The following PGS1 variants were observed in gnomAD, a reference collection of about 807,000 sequenced individuals.
PGS1 encodes phosphatidylglycerophosphate synthase 1, also known as CDP-diacylglycerol--glycerol-3-phosphate 3-phosphatidyltransferase, mitochondrial.
In PGS1, 44 loss-of-function variants were observed where a neutral mutation model predicts 58.3. That is an observed-to-expected ratio of 0.75 (90% CI 0.59 to 0.97). The LOEUF (loss-of-function observed/expected upper bound fraction) is 0.97, where lower values mean the gene tolerates loss of function less well. Among genes scored for constraint, PGS1 ranks in the 50% least tolerant of loss-of-function variants. The pLI is 0.00. For synonymous variants in PGS1, 330 were observed against 311.0 expected, an observed-to-expected ratio of 1.06 and a Z score of -0.64; for missense variants, 684 against 731.1, an observed-to-expected ratio of 0.94 and a Z score of 0.74.
At chr17:78,408,983 C>T (rs2084395569) in intron 7 of PGS1, among the ~76,000 whole-genome samples, 1 of 152,238 alleles carries the variant, frequency 6.6e-6, no homozygotes, top group Non-Finnish European at 1.5e-5. Context: ...GCAGCCCGGC[C>T]TTGTCAGCCG....
intron 4 of PGS1, 166 bp from the exon 5 acceptor site, chr17:78,399,182 A>G: frequency 1.6e-6 from 1 of 613,316 alleles, no homozygotes; most frequent in South Asian, 1.9e-5. Context: ...AGCATGCAGG[A>G]CAGAGGTTGG....
intron 7 of PGS1, among the ~76,000 whole-genome samples, chr17:78,405,020 C>CA (rs1567979439): frequency 6.7e-6 from 1 of 148,166 alleles, no homozygotes; most frequent in Non-Finnish European, 1.5e-5. Flanking sequence ...TTTTTTGAGA[C>CA]AGAGTCTTGC....
At chr17:78,386,688 TG>T (rs1220202945) in intron 1 of PGS1, among the ~76,000 whole-genome samples, 1 of 152,174 alleles carries the variant, frequency 6.6e-6, no homozygotes, top group Non-Finnish European at 1.5e-5. Context: ...TAAGCCTCCC[TG>T]GGATGGGGGA....
intron 1 of PGS1, among the ~76,000 whole-genome samples, chr17:78,386,137 G>A (rs1343652582): frequency 6.6e-6 from 1 of 152,220 alleles, no homozygotes; most frequent in Non-Finnish European, 1.5e-5. Context: ...TTTCTCCTGA[G>A]TCAGGCTTCC....
intron 1 of PGS1, among the ~76,000 whole-genome samples, chr17:78,391,044 G>A (rs994598886): frequency 2.0e-5 from 3 of 151,896 alleles, no homozygotes; most frequent in Non-Finnish European, 4.4e-5. Context: ...AGGTTTAAGC[G>A]ATTCTCCTGC....
intron 7 of PGS1, among the ~76,000 whole-genome samples, chr17:78,407,042 CCT>C (rs1268530393): frequency 6.6e-6 from 1 of 152,232 alleles, no homozygotes; most frequent in Non-Finnish European, 1.5e-5. Flanking sequence ...TCTGCCACTC[CCT>C]CTCTCCTGCC....
intron 1 of PGS1, among the ~76,000 whole-genome samples, chr17:78,384,857 G>A (rs982985476): frequency 2.3e-4 from 35 of 152,240 alleles, no homozygotes; most frequent in African/African-American, 7.7e-4. Flanking sequence ...CTCTGACACC[G>A]GGAGAAGATG....
At chr17:78,420,835 G>C (rs2085663950) in intron 9 of PGS1, 1 of 152,098 alleles carries the variant, frequency 6.6e-6, no homozygotes, top group Non-Finnish European at 1.5e-5. Flanking sequence ...CTTCTGATGT[G>C]CACACGTGTC....
intron 7 of PGS1, among the ~76,000 whole-genome samples, chr17:78,412,174 C>A (rs1311578961): frequency 6.6e-6 from 1 of 152,040 alleles, no homozygotes; most frequent in Non-Finnish European, 1.5e-5. Flanking sequence ...AGCAGCACCC[C>A]GTGGCATCTC....
chr17:78,406,855 G>A (rs2084192041), intron 7 of PGS1, among the ~76,000 whole-genome samples: 1 of 152,230 alleles, frequency 6.6e-6, no homozygotes, highest in South Asian at 2.1e-4. Context: ...CGATGAGGAG[G>A]CCCCTTAACT....
At chr17:78,402,623 C>T (rs2083777716) in intron 6 of PGS1, among the ~76,000 whole-genome samples, 1 of 152,056 alleles carries the variant, frequency 6.6e-6, no homozygotes, top group East Asian at 1.9e-4. Context: ...AATGTTTGTA[C>T]TCTTGGTAGA....
In PGS1 at chr17:78,398,152, G is replaced by C. The variant is rs1164509933; in HGVS notation, c.412-100G>C. The C allele has an allele frequency of 8.2e-6, 7 of 849,168 alleles. No individual in the cohort carries two copies. The African/African-American group carries it at 1.2e-4, about 14-fold the overall frequency. 52.6% of individuals were successfully genotyped at this position (849,168 alleles called of 1,614,324 possible). On this transcript the variant is annotated intron_variant, in intron 3 of 9. Transcript: ENST00000262764. ...CTGATGGCACAAACCTATCTTTGGA[G>C]AAGATGACGAGGGCACTAGCCGATG...
chr17:78,393,513 C>G (rs1461485015), intron 2 of PGS1, among the ~76,000 whole-genome samples: 1 of 152,152 alleles, frequency 6.6e-6, no homozygotes, highest in Non-Finnish European at 1.5e-5. Flanking sequence ...TTTATCTAGT[C>G]TGTGTATGAT....
intron 1 of PGS1, among the ~76,000 whole-genome samples, chr17:78,389,481 G>A (rs371577477): frequency 7.9e-5 from 12 of 151,870 alleles, no homozygotes; most frequent in African/African-American, 1.7e-4. Context: ...CACCATGCCC[G>A]GCCCAATTTT....
chr17:78,400,042 G>A lies in PGS1; in HGVS notation c.701+505G>A. ...TTGCTCTGGGACTGTACCAGTGGCA[G>A]CTGTCACTTAGTGGGACAGAGAGAA... On this transcript the variant is annotated intron_variant, in intron 5 of 9. Transcript: ENST00000262764. This position sits in a 1 kb window ranked among gnomAD's most constrained non-coding sequence, Gnocchi z 4.4. The A allele has an allele frequency of 4.8e-6, 1 of 208,192 alleles. No homozygotes were observed. Among genetic ancestry groups the A allele is most frequent in the Non-Finnish European group, 9.8e-6 (1 of 101,592 alleles). The allele number at this position is 208,192 out of a possible 1,614,324, so 12.9% of individuals were successfully genotyped here. A position where few individuals can be genotyped will look rare whatever the true frequency, so the allele number is the denominator to read the frequency against.
In PGS1 at chr17:78,400,978, G is replaced by T; in HGVS notation, c.880+123G>T. 1.2e-6 allele frequency: 1 copy of T among 809,878 alleles called. No homozygotes were observed. The highest frequency in any genetic ancestry group is 1.9e-6 in the Non-Finnish European group (1 of 525,936). The allele number at this position is 809,878 out of a possible 1,614,324, so 50.2% of individuals were successfully genotyped here. Reference sequence around the variant, plus strand: ...GACTTGGGTGGCAAGGCTTCATTCTGCTTTTGTCCTTGAAGCCAGACAGAT... The same window carrying T: ...GACTTGGGTGGCAAGGCTTCATTCTTCTTTTGTCCTTGAAGCCAGACAGAT... On this transcript the variant is annotated intron_variant, in intron 6 of 9. Coordinates refer to ENST00000262764, the MANE Select transcript of PGS1 (RefSeq NM_024419.5). This position sits in a 1 kb window ranked among gnomAD's most constrained non-coding sequence, Gnocchi z 4.4.
At chr17:78,423,345 G>C (rs188003007) in intron 9 of PGS1, among the ~76,000 whole-genome samples, 17 of 152,138 alleles carry the variant, frequency 1.1e-4, no homozygotes, top group Admixed American at 2.6e-4. Flanking sequence ...CTCTGGGGGC[G>C]GGGGCTTGGG....
intron 7 of PGS1, among the ~76,000 whole-genome samples, chr17:78,411,545 C>T (rs9900792): frequency 0.054 from 8,194 of 152,286 alleles, 483 homozygotes; most frequent in East Asian, 0.33. Flanking sequence ...CAGTATTTAT[C>T]TCTGCCCCAT....
Position 78,410,572 on chromosome 17 carries a change from T to C in PGS1, c.1403-4307T>C, listed in dbSNP as rs371099717. Among the ~76,000 whole-genome samples, 105 of 147,572 alleles carry C rather than the reference T, an allele frequency of 7.1e-4. 2 individuals carry two copies. The East Asian group carries it at 0.019, about 27-fold the overall frequency. The stretch of plus-strand genomic sequence containing the variant: ...CACTGCAACCTCCGCCTCCTGGGTT[T>C]AAGCCATTCTTCTGCTTCAGCCTCC... On this transcript the variant is annotated intron_variant, in intron 7 of 9. Transcript: ENST00000262764.
Sources: gnomAD v4.1 joint callset for allele counts (sites outside exome capture counted in the v4.1 genomes callset) on GRCh38, gnomAD v4.1.1 for gene constraint, Gnocchi (gnomAD v3.1) non-coding constraint, MANE v1.5 for transcripts, NCBI Gene and HGNC (gene_info 2026-07-23, HGNC 2026-07-21) for gene names.